Variants in INTS9 observed in about 807,000 individuals in gnomAD.
INTS9 encodes the protein integrator complex subunit 9, also known as protein related to CPSF subunits of 74 kDa.
A neutral mutation model predicts 79.7 loss-of-function variants in INTS9; 55 were observed. That is an observed-to-expected ratio of 0.69 (90% CI 0.56 to 0.86). INTS9 has a LOEUF of 0.86. Ranked by LOEUF, INTS9 falls within the 40% of genes least tolerant of loss-of-function variation. INTS9 has a pLI of 0.00. For synonymous variants in INTS9, 319 were observed against 325.2 expected, an observed-to-expected ratio of 0.98 and a Z score of 0.20; for missense variants, 721 against 831.5, an observed-to-expected ratio of 0.87 and a Z score of 1.64.
intron 1 of INTS9, among the ~76,000 whole-genome samples, chr8:28,871,975 T>C (rs1563312008): frequency 1.3e-5 from 2 of 151,888 alleles, no homozygotes; most frequent in African/African-American, 2.4e-5. Context: ...AAAAAACATA[T>C]GTAAAGATGT....
intron 6 of INTS9, among the ~76,000 whole-genome samples, chr8:28,818,990 G>GT (rs1395649769): frequency 5.9e-5 from 9 of 152,228 alleles, no homozygotes; most frequent in Admixed American, 5.9e-4. Flanking sequence ...TGTGGGATCG[G>GT]TGGTGATATC....
intron 1 of INTS9, among the ~76,000 whole-genome samples, chr8:28,882,740 T>C (rs919111641): frequency 1.3e-5 from 2 of 152,176 alleles, no homozygotes; most frequent in Non-Finnish European, 2.9e-5. Context: ...TATTAAAGAA[T>C]AGCTTTCTTG....
intron 1 of INTS9, among the ~76,000 whole-genome samples, chr8:28,863,939 G>A (rs1163931758): frequency 3.3e-5 from 5 of 152,090 alleles, no homozygotes; most frequent in African/African-American, 1.2e-4. Flanking sequence ...GTGGAAAATG[G>A]TTTTGAAAGT....
rs184319350 is a variant in INTS9, at chr8:28,851,437, G to T, written c.138-1164C>A. Among the ~76,000 whole-genome samples the T allele has an allele frequency of 3.5e-4, 53 of 151,460 alleles. 1 individual carries two copies. The East Asian group carries it at 0.01, about 29-fold the overall frequency. On this transcript the variant is annotated intron_variant, in intron 2 of 16. Coordinates refer to ENST00000521022, the MANE Select transcript of INTS9 (RefSeq NM_018250.4). ...GTAAGTTTGTTTTTGTTTTTGTTTT[G>T]TTGTTGTTGTTGTTTTTTGAGACAG...
chr8:28,773,831 T>C (rs1029596295), intron 14 of INTS9, among the ~76,000 whole-genome samples: 4 of 151,962 alleles, frequency 2.6e-5, no homozygotes, highest in Admixed American at 1.3e-4. Flanking sequence ...AGCTGAAATA[T>C]ATATTTTTTG....
chr8:28,882,067 G>A (rs1471828017), intron 1 of INTS9, among the ~76,000 whole-genome samples: 2 of 144,986 alleles, frequency 1.4e-5, no homozygotes, highest in African/African-American at 5.2e-5. Context: ...GGTCTGTGTG[G>A]ATAGAAGTAG....
intron 1 of INTS9, among the ~76,000 whole-genome samples, chr8:28,887,631 G>A (rs1810239779): frequency 6.6e-6 from 1 of 152,148 alleles, no homozygotes; most frequent in Admixed American, 6.5e-5. Context: ...TAGGCCATGG[G>A]AGGACTTATT....
intron 8 of INTS9, among the ~76,000 whole-genome samples, chr8:28,809,518 T>C (rs1433179568): frequency 6.6e-6 from 1 of 152,212 alleles, no homozygotes; most frequent in African/African-American, 2.4e-5. Context: ...CAGCTAAAAA[T>C]TAAAATTAAT....
At chr8:28,881,251 T>TGG (rs1462099837) in intron 1 of INTS9, among the ~76,000 whole-genome samples, 2 of 117,674 alleles carry the variant, frequency 1.7e-5, no homozygotes, top group Non-Finnish European at 3.7e-5. Context: ...AGGAGGGAGG[T>TGG]GGGGGGGTCA....
At chr8:28,794,700 G>C (rs1029113185) in intron 9 of INTS9, among the ~76,000 whole-genome samples, 1 of 152,190 alleles carries the variant, frequency 6.6e-6, no homozygotes, top group Non-Finnish European at 1.5e-5. Context: ...TAATTTTCAA[G>C]CTTTAGTTTG....
chr8:28,819,817 C>G (rs1490022619), intron 6 of INTS9, among the ~76,000 whole-genome samples: 5 of 152,162 alleles, frequency 3.3e-5, no homozygotes, highest in Non-Finnish European at 5.9e-5. Context: ...TCAGGACTTG[C>G]TTTATGAATC....
At chr8:28,792,844 C>T (rs761204982) in intron 10 of INTS9, among the ~76,000 whole-genome samples, 9 of 150,160 alleles carry the variant, frequency 6.0e-5, no homozygotes, top group African/African-American at 9.8e-5. Context: ...ACCCAGGAGG[C>T]GGAGGTTGCA....
At chr8:28,788,439 G>T (rs1803739790) in intron 10 of INTS9, among the ~76,000 whole-genome samples, 1 of 152,058 alleles carries the variant, frequency 6.6e-6, no homozygotes, top group African/African-American at 2.4e-5. Context: ...TTTTTTTGGA[G>T]ACAGAGTTTC....
chr8:28,785,521 A>G (rs975677024), intron 11 of INTS9, among the ~76,000 whole-genome samples: 5 of 152,240 alleles, frequency 3.3e-5, no homozygotes, highest in Admixed American at 1.3e-4. Context: ...TACTAGCATT[A>G]TTTATTTTGA....
At chr8:28,782,311 AAC>A (rs1418822436) in intron 11 of INTS9, among the ~76,000 whole-genome samples, 1 of 152,196 alleles carries the variant, frequency 6.6e-6, no homozygotes, top group Non-Finnish European at 1.5e-5. Context: ...TGACTTTCCC[AAC>A]ACTCGTGAAT....
intron 1 of INTS9, among the ~76,000 whole-genome samples, chr8:28,868,460 T>A (rs949293564): frequency 9.9e-5 from 15 of 152,174 alleles, no homozygotes; most frequent in Admixed American, 2.6e-4. Flanking sequence ...GTTTTTTTTT[T>A]AAATAGGCAA....
At chr8:28,861,051 T>C (rs984859093) in intron 1 of INTS9, among the ~76,000 whole-genome samples, 1 of 152,372 alleles carries the variant, frequency 6.6e-6, no homozygotes, top group South Asian at 2.1e-4. Context: ...AGTTTATGTA[T>C]GATGATTATA....
intron 4 of INTS9, among the ~76,000 whole-genome samples, chr8:28,846,307 T>C (rs1267465646): frequency 6.6e-6 from 1 of 152,204 alleles, no homozygotes; most frequent in Non-Finnish European, 1.5e-5. Context: ...CAGTTCAGAA[T>C]CTATGAATTT....
At chr8:28,788,850 C>G (rs1803765627) in intron 10 of INTS9, among the ~76,000 whole-genome samples, 3 of 152,168 alleles carry the variant, frequency 2.0e-5, no homozygotes, top group Non-Finnish European at 4.4e-5. Flanking sequence ...CTTTACAATA[C>G]TGAGATGTCT....
Sources: gnomAD v4.1 joint callset for allele counts (sites outside exome capture counted in the v4.1 genomes callset) on GRCh38, gnomAD v4.1.1 for gene constraint, MANE v1.5 for transcripts, NCBI Gene and HGNC (gene_info 2026-07-23, HGNC 2026-07-21) for gene names.